The following DDX4 variants were observed in gnomAD, a reference collection of about 807,000 sequenced individuals.
DDX4 encodes probable ATP-dependent RNA helicase DDX4.
In DDX4, 25 loss-of-function variants were observed where a neutral mutation model predicts 100.0. The observed-to-expected ratio is 0.25, with a 90% confidence interval of 0.18 to 0.35. DDX4 has a LOEUF of 0.35. Ranked by LOEUF, DDX4 falls within the 10% of genes least tolerant of loss-of-function variation. The probability of loss-of-function intolerance (pLI) is 1.00; values close to 1 mark genes in which losing one functional copy is unlikely to be tolerated. For synonymous variants in DDX4, 259 were observed against 275.7 expected (o/e 0.94, Z 0.60); for missense variants, 635 against 882.4 (o/e 0.72, Z 3.55).
chr5:55,749,343 G>T (rs886516535), intron 3 of DDX4, among the ~76,000 whole-genome samples: 1 of 151,972 alleles, frequency 6.6e-6, no homozygotes, highest in Non-Finnish European at 1.5e-5. Context: ...GAGGTAAGAG[G>T]ATTGCTTGAG....
At chr5:55,749,424 C>A (rs997193638) in intron 3 of DDX4, among the ~76,000 whole-genome samples, 1 of 152,012 alleles carries the variant, frequency 6.6e-6, no homozygotes, top group African/African-American at 2.4e-5. Flanking sequence ...GGAGTGAAAC[C>A]CTGTCTCTTA....
chr5:55,809,088 G>T (rs140376648), intron 18 of DDX4, among the ~76,000 whole-genome samples: 1 of 152,326 alleles, frequency 6.6e-6, no homozygotes, highest in African/African-American at 2.4e-5. Flanking sequence ...AATGAGCGAG[G>T]CTCCATGGGG....
chr5:55,765,410 AAAAATATATAT>A (rs1740841727), intron 6 of DDX4, among the ~76,000 whole-genome samples: 1 of 110,036 alleles, frequency 9.1e-6, no homozygotes, highest in Admixed American at 1.1e-4. Flanking sequence ...AAAAAAAAAA[AAAAATATATAT>A]ATATATATAT....
chr5:55,792,123 C>CAAAA (rs35635463), intron 16 of DDX4, among the ~76,000 whole-genome samples: 34 of 52,062 alleles, frequency 6.5e-4, no homozygotes, highest in African/African-American at 1.5e-3. Flanking sequence ...GACTCCTTCT[C>CAAAA]AAAAAAAAAA....
At chr5:55,781,211 A>G (rs1462493836) in intron 9 of DDX4, 65 bp downstream of exon 9, 6 of 1,299,614 alleles carry the variant, frequency 4.6e-6, no homozygotes, top group Non-Finnish European at 6.5e-6. Context: ...TAGGATTAGT[A>G]AACCTAATAT....
chr5:55,767,038 C>A, intron 6 of DDX4: 1 of 1,473,388 alleles, frequency 6.8e-7, no homozygotes, highest in African/African-American at 1.4e-5. Flanking sequence ...ATGTTACTTA[C>A]TAATATCAAA....
intron 3 of DDX4, among the ~76,000 whole-genome samples, chr5:55,759,497 C>CTT (rs530798064): frequency 0.12 from 18,354 of 151,986 alleles, 1,657 homozygotes; most frequent in East Asian, 0.29. Context: ...TTATTGAACT[C>CTT]TTGTTGAATT....
intron 17 of DDX4, among the ~76,000 whole-genome samples, chr5:55,796,573 C>G (rs1742949790): frequency 1.3e-5 from 2 of 152,162 alleles, no homozygotes; most frequent in African/African-American, 2.4e-5. Flanking sequence ...TTTTTAAACT[C>G]TTTAACACAT....
intron 7 of DDX4, among the ~76,000 whole-genome samples, chr5:55,775,431 G>A (rs146099661): frequency 1.9e-3 from 294 of 152,208 alleles, no homozygotes; most frequent in African/African-American, 5.1e-3. Flanking sequence ...CTGTTTAAAA[G>A]AAAAAATTCC....
At chr5:55,749,274 T>TTTTAAAAATTTAAATTTTTAAA in intron 3 of DDX4, among the ~76,000 whole-genome samples, 1 of 151,958 alleles carries the variant, frequency 6.6e-6, no homozygotes, top group Non-Finnish European at 1.5e-5. Flanking sequence ...TACAAAAAAT[T>TTTTAAAAATTTAAATTTTTAAA]TTTAAAAATT....
chr5:55,806,825 T>C (rs1184034543), intron 18 of DDX4, among the ~76,000 whole-genome samples: 1 of 152,258 alleles, frequency 6.6e-6, no homozygotes, highest in Non-Finnish European at 1.5e-5. Context: ...GAGAGTTCTA[T>C]AGATGTCTGT....
At chr5:55,747,536 A>G (rs1375916215) in intron 3 of DDX4, among the ~76,000 whole-genome samples, 1 of 152,230 alleles carries the variant, frequency 6.6e-6, no homozygotes, top group African/African-American at 2.4e-5. Context: ...AATGGAGCAA[A>G]ACCCTGTCTC....
chr5:55,794,245 T>C (rs1342146985), intron 17 of DDX4, among the ~76,000 whole-genome samples: 1 of 150,964 alleles, frequency 6.6e-6, no homozygotes, highest in Non-Finnish European at 1.5e-5. Context: ...TGGAGTGCAA[T>C]GGCGCGATCT....
At chr5:55,795,297 G>C (rs1742862753) in intron 17 of DDX4, among the ~76,000 whole-genome samples, 1 of 152,266 alleles carries the variant, frequency 6.6e-6, no homozygotes, top group East Asian at 1.9e-4. Context: ...TGGGGTGTTT[G>C]TTCTCCCAGA....
In DDX4 at chr5:55,767,784, G is replaced by A. The variant is rs1741014033; in HGVS notation, c.335-97G>A. The A allele has an allele frequency of 3.9e-6, 3 of 775,084 alleles. No homozygotes were observed. The African/African-American group carries it at 5.3e-5, about 14-fold the overall frequency. 48.0% of individuals were successfully genotyped at this position (775,084 alleles called of 1,614,324 possible). A position where few individuals can be genotyped will look rare whatever the true frequency, so the allele number is the denominator to read the frequency against. ...ATATTTTAACTTATGAAAATATTTT[G>A]TCTTCTTACTAATTTATCTTGTGAC... On this transcript the variant is annotated intron_variant, in intron 6 of 21. Coordinates refer to ENST00000505374, the MANE Select transcript of DDX4 (RefSeq NM_024415.3).
chr5:55,765,687 C>A (rs1283348371), intron 6 of DDX4, among the ~76,000 whole-genome samples: 6 of 152,032 alleles, frequency 3.9e-5, no homozygotes, highest in Admixed American at 3.9e-4. Context: ...TTCTGCTTTT[C>A]ATTTTCTCTA....
chr5:55,758,383 A>G (rs1760075486), intron 3 of DDX4, among the ~76,000 whole-genome samples: 1 of 152,076 alleles, frequency 6.6e-6, no homozygotes, highest in South Asian at 2.1e-4. Flanking sequence ...TTTTCTTCTG[A>G]ACTTTCATAT....
intron 18 of DDX4, among the ~76,000 whole-genome samples, chr5:55,801,777 CATA>C (rs1453074184): frequency 2.0e-5 from 3 of 152,132 alleles, no homozygotes; most frequent in African/African-American, 4.8e-5. Flanking sequence ...TGGAAGTTTT[CATA>C]AGGAATGTCA....
intron 18 of DDX4, among the ~76,000 whole-genome samples, chr5:55,811,290 T>C (rs2112186396): frequency 6.6e-6 from 1 of 152,302 alleles, no homozygotes; most frequent in Admixed American, 6.5e-5. Context: ...AAGTTTTATC[T>C]TTCATTGTGC....
Sources: gnomAD v4.1 joint callset for allele counts (sites outside exome capture counted in the v4.1 genomes callset) on GRCh38, gnomAD v4.1.1 for gene constraint, MANE v1.5 for transcripts, NCBI Gene and HGNC (gene_info 2026-07-23, HGNC 2026-07-21) for gene names.